Variants in NRG1 observed in about 807,000 individuals in gnomAD.
NRG1 encodes pro-neuregulin-1, membrane-bound isoform.
In NRG1, 18 loss-of-function variants were observed where a neutral mutation model predicts 63.8. That is an observed-to-expected ratio of 0.28 (90% CI 0.19 to 0.42). The LOEUF is 0.42. Among genes scored for constraint, NRG1 ranks in the 10% least tolerant of loss-of-function variants. The pLI is 1.00. For missense variants in NRG1, 762 were observed against 814.7 expected, an observed-to-expected ratio of 0.94 and a Z score of 0.79; for synonymous variants, 302 against 301.3, an observed-to-expected ratio of 1.00 and a Z score of -0.02.
At chr8:31,727,047 G>A (rs1813521450) in intron 1 of NRG1, among the ~76,000 whole-genome samples, 3 of 152,110 alleles carry the variant, frequency 2.0e-5, no homozygotes, top group Non-Finnish European at 2.9e-5. Context: ...TTGGGAAGAA[G>A]TACTTGGACT....
chr8:32,359,651 T>C (rs1261353531), intron 1 of NRG1, among the ~76,000 whole-genome samples: 2 of 152,180 alleles, frequency 1.3e-5, no homozygotes, highest in African/African-American at 4.8e-5. Context: ...TTCACTCTGA[T>C]TTTCTGTCCA....
At chr8:32,602,946 G>A (rs1251677906) in intron 2 of NRG1, among the ~76,000 whole-genome samples, 1 of 152,134 alleles carries the variant, frequency 6.6e-6, no homozygotes, top group Non-Finnish European at 1.5e-5. Context: ...TGCATTGGGT[G>A]ATATTCTAAT....
chr8:32,682,447 C>T (rs1210627923), intron 5 of NRG1, among the ~76,000 whole-genome samples: 3 of 152,084 alleles, frequency 2.0e-5, no homozygotes, highest in African/African-American at 7.2e-5. Flanking sequence ...GTAGTAAATT[C>T]ATTAAACCTT....
intron 5 of NRG1, among the ~76,000 whole-genome samples, chr8:32,717,261 C>T (rs1486616918): frequency 2.0e-5 from 3 of 152,000 alleles, no homozygotes; most frequent in South Asian, 2.1e-4. Context: ...AAAAGGAAAT[C>T]GTTTTCTTTA....
At chr8:32,571,143 T>C (rs950215731) in intron 1 of NRG1, among the ~76,000 whole-genome samples, 1 of 152,118 alleles carries the variant, frequency 6.6e-6, no homozygotes, top group Non-Finnish European at 1.5e-5. Context: ...TTATAGCCAG[T>C]AACATAAAAC....
chr8:32,411,265 A>T (rs1814903293), intron 1 of NRG1, among the ~76,000 whole-genome samples: 2 of 152,222 alleles, frequency 1.3e-5, no homozygotes, highest in South Asian at 4.1e-4. Flanking sequence ...CTACAGAATA[A>T]ACCAGAATCT....
intron 1 of NRG1, among the ~76,000 whole-genome samples, chr8:31,740,635 G>A (rs1815167767): frequency 6.6e-6 from 1 of 151,728 alleles, no homozygotes; most frequent in African/African-American, 2.4e-5. Context: ...AAGGTAACTT[G>A]GAATTCGATG....
intron 1 of NRG1, among the ~76,000 whole-genome samples, chr8:32,201,635 C>A (rs1843507557): frequency 1.3e-5 from 2 of 152,152 alleles, no homozygotes; most frequent in Non-Finnish European, 2.9e-5. Context: ...AGTTAGAGTG[C>A]TTCTAAGTAT....
At chr8:32,366,506 T>C (rs1563366373) in intron 1 of NRG1, among the ~76,000 whole-genome samples, 1 of 151,950 alleles carries the variant, frequency 6.6e-6, no homozygotes, top group Non-Finnish European at 1.5e-5. Flanking sequence ...GTTCCATTCA[T>C]GTTGATGCAT....
chr8:31,946,564 G>A (rs1208805497), intron 1 of NRG1, among the ~76,000 whole-genome samples: 4 of 152,190 alleles, frequency 2.6e-5, no homozygotes, highest in Admixed American at 2.6e-4. Flanking sequence ...TGTACTTAGA[G>A]AATATCTGTG....
intron 1 of NRG1, among the ~76,000 whole-genome samples, chr8:31,806,828 C>A (rs1259521290): frequency 6.6e-6 from 1 of 152,004 alleles, no homozygotes; most frequent in Non-Finnish European, 1.5e-5. Flanking sequence ...TAAGACCAAC[C>A]CATTAATGTG....
chr8:32,456,176 A>C (rs1400108735), intron 1 of NRG1, among the ~76,000 whole-genome samples: 6 of 152,216 alleles, frequency 3.9e-5, no homozygotes, highest in African/African-American at 1.4e-4. Flanking sequence ...ATTATTTCCC[A>C]TGTATGCACA....
rs1814864719 is a variant in NRG1, at chr8:32,012,193, A to G, written c.37+372762A>G. Among the ~76,000 whole-genome samples, 3 of 152,204 alleles carry G rather than the reference A, an allele frequency of 2.0e-5. No homozygotes were observed. In the South Asian group the frequency reaches 6.2e-4, roughly 32 times the overall value. On this transcript the variant is annotated intron_variant, in intron 1 of 10. Coordinates refer to the NRG1 transcript ENST00000519301. ...TGAGGTTCTATAAATTTTGGAGCTA[A>G]AACAGTTAGTCCCTTATTTTTGTTT...
intron 1 of NRG1, among the ~76,000 whole-genome samples, chr8:32,522,865 G>A (rs1016911021): frequency 9.3e-5 from 14 of 151,012 alleles, no homozygotes; most frequent in African/African-American, 3.4e-4. Flanking sequence ...GACTGCAGTG[G>A]TGCCATCATA....
At chr8:32,271,684 C>T (rs1456452753) in intron 1 of NRG1, among the ~76,000 whole-genome samples, 2 of 152,128 alleles carry the variant, frequency 1.3e-5, no homozygotes, top group African/African-American at 4.8e-5. Context: ...TTCTACAGTA[C>T]GCATCTATGG....
intron 1 of NRG1, among the ~76,000 whole-genome samples, chr8:32,536,145 T>C (rs1012837565): frequency 6.6e-6 from 1 of 152,194 alleles, no homozygotes. Flanking sequence ...GAGCACAGCA[T>C]AGCAAAGTCC....
intron 1 of NRG1, among the ~76,000 whole-genome samples, chr8:32,019,445 G>T (rs1816096940): frequency 6.6e-6 from 1 of 152,196 alleles, no homozygotes; most frequent in African/African-American, 2.4e-5. Context: ...TGTAATGTAT[G>T]TGTACAGGTA....
intron 1 of NRG1, among the ~76,000 whole-genome samples, chr8:31,686,780 G>GT (rs1431108674): frequency 6.6e-6 from 1 of 151,672 alleles, no homozygotes; most frequent in Non-Finnish European, 1.5e-5. Flanking sequence ...TTTTGTTTTT[G>GT]TTTTTTGAGA....
At chr8:32,712,360 C>G (rs2128985245) in intron 5 of NRG1, among the ~76,000 whole-genome samples, 1 of 152,234 alleles carries the variant, frequency 6.6e-6, no homozygotes, top group East Asian at 1.9e-4. Context: ...TAATGGTCAG[C>G]AGACATATTT....
Sources: gnomAD v4.1 joint callset for allele counts (sites outside exome capture counted in the v4.1 genomes callset) on GRCh38, gnomAD v4.1.1 for gene constraint, MANE v1.5 for transcripts, NCBI Gene and HGNC (gene_info 2026-07-23, HGNC 2026-07-21) for gene names.